GGA1: variants seen among roughly 807,000 people sequenced by gnomAD.
The protein encoded by GGA1 is ADP-ribosylation factor-binding protein GGA1.
In GGA1, 18 loss-of-function variants were observed where a neutral mutation model predicts 76.9. The ratio of observed to expected loss-of-function variants is 0.23; its 90% CI spans 0.16 to 0.35. The LOEUF (loss-of-function observed/expected upper bound fraction) is 0.35. GGA1 is among the 10% of genes least tolerant of loss of function. The pLI, the probability that GGA1 is intolerant of heterozygous loss-of-function variation, is 1.00. For synonymous variants in GGA1, 342 were observed against 354.7 expected (o/e 0.96, Z 0.40); for missense variants, 755 against 859.0 (o/e 0.88, Z 1.51).
chr22:37,617,818 GT>G (rs869204113), intron 3 of GGA1: 4 of 951,660 alleles, frequency 4.2e-6, no homozygotes, highest in African/African-American at 1.8e-5. Context: ...CCTATATAAG[GT>G]TTTTTTAAAA....
intron 3 of GGA1, 29 bp from the exon 4 acceptor site, chr22:37,618,419 G>A (rs570256319): frequency 2.1e-5 from 29 of 1,396,586 alleles, no homozygotes; most frequent in African/African-American, 7.1e-5. Flanking sequence ...GCACCTGGGC[G>A]TCCCCTCCCA....
intron 3 of GGA1, 113 bp downstream of exon 3, chr22:37,617,110 T>C (rs1252776799): frequency 6.5e-7 from 1 of 1,530,962 alleles, no homozygotes; most frequent in South Asian, 1.2e-5. Flanking sequence ...AGAGTTGTGC[T>C]AAGATGGCCC....
At position 37,625,939 on chromosome 22, in the gene GGA1, C is replaced by T. The variant is rs868675744; in HGVS notation, c.1083C>T (p.Leu361=). 1.3e-6 allele frequency: 2 copies of T among 1,595,884 alleles called. No individual in the cohort carries two copies. The highest frequency in any genetic ancestry group is 1.7e-6 in the Non-Finnish European group (2 of 1,172,476). The change falls in exon 11 of 17, where the codon CTC becomes CTT. Residue 361 remains leucine (L), a synonymous_variant. Coordinates refer to ENST00000343632, the MANE Select transcript of GGA1 (RefSeq NM_013365.5). The surrounding 1 kb of genome is among the most constrained non-coding windows in gnomAD (Gnocchi z 4.1). ...CAGTTTCCCTGCTTGACGACGAGCTCATGTCTCTGGGTGAGGAAGGGGCCA... is the reference window on the plus strand; with the variant it reads ...CAGTTTCCCTGCTTGACGACGAGCTTATGTCTCTGGGTGAGGAAGGGGCCA... ...SASVSLLDDE[L]MSLGLSDPTP...
rs527795762 is a variant in GGA1 at position 37,629,504 on chromosome 22, G to A, written c.1136G>A (p.Gly379Asp). The change falls in exon 12 of 17, where the codon GGT becomes GAT. Residue 379 changes from glycine (G) to aspartate (D), a missense_variant. Physicochemically the swap from Gly to Asp is moderately conservative, Grantham distance 94. Transcript: ENST00000343632. ...CCCCCTTCAGGCCCAAGCCTGGATG[G>A]TACCGGATGGAACAGCTTCCAGGTA... is the stretch of plus-strand genomic sequence containing the variant. ...PTPPSGPSLD[G>D]TGWNSFQSSD... is the part of the protein sequence containing the mutation. 4.4e-6 allele frequency: 7 copies of A among 1,584,018 alleles called. No individual in the cohort carries two copies. The South Asian group carries it at 4.6e-5, about 10-fold the overall frequency.
Position 37,614,233 on chromosome 22 carries a change from C to T in GGA1, c.87C>T (p.Ser29=). Residue 29 remains serine (S), a synonymous_variant, in exon 2 of 17, where the codon AGC becomes AGT. Transcript: ENST00000343632. ...TGAACAAGGAGCTCGACTGGGCCAGCATCAACGGCTTCTGCGAGCAGCTCA... is the reference window on the plus strand; with the variant it reads ...TGAACAAGGAGCTCGACTGGGCCAGTATCAACGGCTTCTGCGAGCAGCTCA... ...NPLNKELDWA[S]INGFCEQLNE... 6.2e-7 allele frequency: 1 copy of T among 1,613,902 alleles called. No individual in the cohort carries two copies. The highest frequency in any genetic ancestry group is 8.5e-7 in the Non-Finnish European group (1 of 1,179,860).
intron 1 of GGA1, chr22:37,613,046 T>G: frequency 1.0e-6 from 1 of 985,324 alleles, no homozygotes; most frequent in South Asian, 4.7e-5. Flanking sequence ...TGGACATGAG[T>G]GGCTGGGATG....
intron 2 of GGA1, among the ~76,000 whole-genome samples, chr22:37,616,526 C>G (rs889452525): frequency 6.6e-6 from 1 of 152,192 alleles, no homozygotes; most frequent in African/African-American, 2.4e-5. Flanking sequence ...CCTTTGCCAC[C>G]TTGAGTTCCC....
chr22:37,612,346 C>T (rs1182389889), intron 1 of GGA1, among the ~76,000 whole-genome samples: 1 of 147,372 alleles, frequency 6.8e-6, no homozygotes, highest in African/African-American at 2.5e-5. Flanking sequence ...GTGGCGGGCA[C>T]CTGTAGTCCC....
chr22:37,617,682 G>T, intron 3 of GGA1: 1 of 631,106 alleles, frequency 1.6e-6, no homozygotes, highest in Non-Finnish European at 2.0e-6. Context: ...CTGGACAACA[G>T]AGTGAGACCC....
At chr22:37,609,196 C>T (rs772242630) in intron 1 of GGA1, 1 of 1,349,734 alleles carries the variant, frequency 7.4e-7, no homozygotes, top group South Asian at 1.4e-5. Flanking sequence ...AGAGCAGCCT[C>T]CAACCCCCAA....
intron 3 of GGA1, chr22:37,618,165 C>A: frequency 9.6e-6 from 3 of 314,072 alleles, no homozygotes; most frequent in Non-Finnish European, 1.7e-5. Context: ...AAATAATGTA[C>A]AGTTGGTACT....
Position 37,629,900 on chromosome 22 carries a change from T to C in GGA1, c.1159-98T>C, listed in dbSNP as rs1931486209. On this transcript the variant is annotated intron_variant, in intron 12 of 16. Coordinates refer to ENST00000343632, the MANE Select transcript of GGA1 (RefSeq NM_013365.5). ...CCACCTCTGTGGCTGCTTTCCCAGATGTCATTTGCAAGGAGGACACTGAGC... is the reference window on the plus strand; with the variant it reads ...CCACCTCTGTGGCTGCTTTCCCAGACGTCATTTGCAAGGAGGACACTGAGC... 5 of 861,390 alleles carry C rather than the reference T, an allele frequency of 5.8e-6. No homozygotes were observed. The Admixed American group carries it at 7.9e-5, about 14-fold the overall frequency. The allele number at this position is 861,390 out of a possible 1,614,324, so 53.4% of individuals were successfully genotyped here.
intron 1 of GGA1, among the ~76,000 whole-genome samples, chr22:37,611,976 ATT>A: frequency 6.6e-6 from 1 of 151,864 alleles, no homozygotes; most frequent in Non-Finnish European, 1.5e-5. Flanking sequence ...ACATGGTGAA[ATT>A]CCATCTCTAC....
chr22:37,613,080 C>T (rs1928038726), intron 1 of GGA1: 4 of 985,168 alleles, frequency 4.1e-6, no homozygotes, highest in Non-Finnish European at 4.8e-6. Flanking sequence ...GGCTGGGGGA[C>T]ACAAAAGAGA....
chr22:37,620,882 ATG>A lies in GGA1; in HGVS notation c.500_501del (p.Val167AspfsTer3). On this transcript the variant is annotated frameshift_variant, in exon 6 of 17. Coordinates refer to ENST00000343632, the MANE Select transcript of GGA1 (RefSeq NM_013365.5). LOFTEE classifies it high-confidence loss of function. ...CCCCTTCCTCCTCCACGGCCGAAGAATGTGATCTTTGAAGATGAGGAGAAATC... is the reference window on the plus strand; with the variant it reads ...CCCCTTCCTCCTCCACGGCCGAAGAATGATCTTTGAAGATGAGGAGAAATC... The A allele has an allele frequency of 6.2e-7, 1 of 1,611,520 alleles. No individual in the cohort carries two copies. Among genetic ancestry groups the A allele is most frequent in the Non-Finnish European group, 8.5e-7 (1 of 1,177,594 alleles).
At chr22:37,631,192 T>C (rs1280992060) in intron 14 of GGA1, 93 bp downstream of exon 14, 7 of 1,059,800 alleles carry the variant, frequency 6.6e-6, no homozygotes, top group Non-Finnish European at 9.3e-6. Context: ...AAAGCAGGGC[T>C]CCCCTGGCTC....
At chr22:37,626,886 G>C (rs930492307) in intron 11 of GGA1, 1 of 152,382 alleles carries the variant, frequency 6.6e-6, no homozygotes. Context: ...GCACAGAAAG[G>C]CGCGGTGGCT....
In GGA1 at chr22:37,623,797, G is replaced by A; in HGVS notation, c.832+164G>A. The A allele has an allele frequency of 1.7e-6, 1 of 600,240 alleles. No homozygotes were observed. Among genetic ancestry groups the A allele is most frequent in the Non-Finnish European group, 3.0e-6 (1 of 332,622 alleles). The allele number at this position is 600,240 out of a possible 1,614,324, so 37.2% of individuals were successfully genotyped here. A position where few individuals can be genotyped will look rare whatever the true frequency, so the allele number is the denominator to read the frequency against. On this transcript the variant is annotated intron_variant, in intron 9 of 16. Transcript: ENST00000343632. The surrounding 1 kb of genome is among the most constrained non-coding windows in gnomAD (Gnocchi z 4.6). ...GGTTTCTCCTCTCTGAGGACACAGA[G>A]CAGGGGCCGCCCCCCTGTTGAGAGG...
chr22:37,630,369 T>C, intron 13 of GGA1, 199 bp downstream of exon 13: 1 of 526,648 alleles, frequency 1.9e-6, no homozygotes, highest in Non-Finnish European at 3.2e-6. Context: ...TGGCCTGGCC[T>C]CCCCCCAGGT....
Sources: allele counts gnomAD v4.1 joint callset (sites outside exome capture counted in the v4.1 genomes callset), GRCh38; gene constraint gnomAD v4.1.1; non-coding constraint Gnocchi (gnomAD v3.1); transcripts MANE v1.5; gene names NCBI Gene and HGNC (gene_info 2026-07-23, HGNC 2026-07-21).